TMEM170B: variants seen among roughly 807,000 people sequenced by gnomAD.
TMEM170B encodes the protein transmembrane protein 170B.
In TMEM170B, 6 loss-of-function variants were observed where a neutral mutation model predicts 13.0. The ratio of observed to expected loss-of-function variants is 0.46; its 90% confidence interval spans 0.25 to 0.91. The LOEUF (loss-of-function observed/expected upper bound fraction) is 0.91. Ranked by LOEUF, TMEM170B falls within the 40% of genes least tolerant of loss-of-function variation. The pLI is 0.17. For missense variants in TMEM170B, 138 were observed against 165.2 expected, an observed-to-expected ratio of 0.84 and a Z score of 0.90; for synonymous variants, 61 against 64.9, an observed-to-expected ratio of 0.94 and a Z score of 0.29.
intron 1 of TMEM170B, among the ~76,000 whole-genome samples, chr6:11,546,156 A>G (rs901033439): frequency 6.6e-6 from 1 of 152,110 alleles, no homozygotes; most frequent in Non-Finnish European, 1.5e-5. Context: ...CCATGGGACA[A>G]AGTGTGGAGG....
chr6:11,567,502 T>G (rs1020640369), intron 2 of TMEM170B, among the ~76,000 whole-genome samples: 2 of 152,204 alleles, frequency 1.3e-5, no homozygotes, highest in Admixed American at 6.5e-5. Context: ...ACATCCTTTG[T>G]CTTGAGAGGA....
intron 2 of TMEM170B, among the ~76,000 whole-genome samples, chr6:11,570,915 A>G (rs1486360112): frequency 2.0e-5 from 3 of 152,210 alleles, no homozygotes; most frequent in African/African-American, 7.2e-5. Flanking sequence ...ATTTTCATGT[A>G]TCATGAAATG....
intron 1 of TMEM170B, among the ~76,000 whole-genome samples, chr6:11,542,572 A>G (rs1339485017): frequency 1.3e-5 from 2 of 152,202 alleles, no homozygotes; most frequent in African/African-American, 2.4e-5. Flanking sequence ...AGGCGTCAGG[A>G]TAAAAATGCA....
intron 1 of TMEM170B, 82 bp downstream of exon 1, chr6:11,538,456 C>A: frequency 9.4e-7 from 1 of 1,061,658 alleles, no homozygotes; most frequent in Non-Finnish European, 1.3e-6. Flanking sequence ...GGACACGCTC[C>A]TCGCCGCCCC....
intron 1 of TMEM170B, among the ~76,000 whole-genome samples, chr6:11,550,290 C>T (rs73357837): frequency 1.3e-5 from 2 of 151,794 alleles, no homozygotes; most frequent in African/African-American, 2.4e-5. Context: ...CTCTTGCTTC[C>T]GCCCCCAAGT....
At chr6:11,560,127 T>G (rs1394288551) in intron 1 of TMEM170B, among the ~76,000 whole-genome samples, 1 of 151,828 alleles carries the variant, frequency 6.6e-6, no homozygotes, top group Non-Finnish European at 1.5e-5. Flanking sequence ...GAACCATTGA[T>G]CTAGCAGAGC....
At chr6:11,562,014 T>A (rs1026676740) in intron 1 of TMEM170B, among the ~76,000 whole-genome samples, 1 of 152,180 alleles carries the variant, frequency 6.6e-6, no homozygotes, top group Non-Finnish European at 1.5e-5. Flanking sequence ...ATAAATAAAT[T>A]ATTTCCTCTA....
intron 1 of TMEM170B, among the ~76,000 whole-genome samples, chr6:11,546,327 G>C (rs2113763718): frequency 6.6e-6 from 1 of 152,112 alleles, no homozygotes; most frequent in African/African-American, 2.4e-5. Flanking sequence ...CAATGTATTT[G>C]TGTTTTAAGC....
rs1481207991 is a variant in TMEM170B at position 11,577,019 on chromosome 6, T to C, written c.*1458T>C. The C allele has an allele frequency of 1.3e-5, 2 of 152,130 alleles. No individual in the cohort carries two copies. Among genetic ancestry groups the C allele is most frequent in the Non-Finnish European group, 2.9e-5 (2 of 67,972 alleles). 9.4% of individuals were successfully genotyped at this position (152,130 alleles called of 1,614,324 possible). A position where few individuals can be genotyped will look rare whatever the true frequency, so the allele number is the denominator to read the frequency against. On this transcript the variant is annotated 3_prime_UTR_variant, in exon 3 of 3. Coordinates refer to ENST00000379426, the MANE Select transcript of TMEM170B (RefSeq NM_001100829.3). The stretch of plus-strand genomic sequence containing the variant: ...TAATGTGCTAACTCAAAGGAGACAT[T>C]GCAGAGAATATGAAGTTAAGGATAA...
At chr6:11,570,702 C>T (rs1759788047) in intron 2 of TMEM170B, among the ~76,000 whole-genome samples, 1 of 152,130 alleles carries the variant, frequency 6.6e-6, no homozygotes, top group Non-Finnish European at 1.5e-5. Flanking sequence ...ATCCAAGTTA[C>T]TGCAGAAAAT....
At chr6:11,545,862 A>G (rs1254440045) in intron 1 of TMEM170B, among the ~76,000 whole-genome samples, 1 of 151,706 alleles carries the variant, frequency 6.6e-6, no homozygotes, top group Non-Finnish European at 1.5e-5. Context: ...AATACAAAAA[A>G]TTAGCCGGGC....
intron 1 of TMEM170B, among the ~76,000 whole-genome samples, chr6:11,552,666 T>G (rs906705413): frequency 6.6e-6 from 1 of 152,198 alleles, no homozygotes; most frequent in Non-Finnish European, 1.5e-5. Context: ...TACATATTTA[T>G]GAGAGGAGCT....
At chr6:11,546,001 G>A (rs1046693469) in intron 1 of TMEM170B, among the ~76,000 whole-genome samples, 2 of 128,664 alleles carry the variant, frequency 1.6e-5, no homozygotes, top group African/African-American at 5.7e-5. Flanking sequence ...AACAGAGCGA[G>A]ACTCCGTCTT....
chr6:11,545,280 C>CTCTCTCTGTGTGTG (rs1442789332), intron 1 of TMEM170B, among the ~76,000 whole-genome samples: 13 of 139,814 alleles, frequency 9.3e-5, no homozygotes, highest in African/African-American at 2.9e-4. Flanking sequence ...CTCTCTCTCT[C>CTCTCTCTGTGTGTG]TGTGTGTGTG....
rs1438968199 is a variant in TMEM170B, at chr6:11,538,125, T to C, written c.-153T>C. Among the ~76,000 whole-genome samples the C allele has an allele frequency of 6.6e-6, 1 of 150,538 alleles. No homozygotes were observed. The highest frequency in any genetic ancestry group is 2.4e-5 in the African/African-American group (1 of 41,106). ...GGCCCCCCCACGGAGGCCCTCCGGCTGCAGCAGCAGCAGCGCCCGGCCCGG... is the reference window on the plus strand; with the variant it reads ...GGCCCCCCCACGGAGGCCCTCCGGCCGCAGCAGCAGCAGCGCCCGGCCCGG... On this transcript the variant is annotated 5_prime_UTR_variant, in exon 1 of 3. Transcript: ENST00000379426.
At position 11,564,346 on chromosome 6, in the gene TMEM170B, C is replaced by A. The variant is rs117566072; in HGVS notation, c.98-1320C>A. Among the ~76,000 whole-genome samples, 121 of 152,350 alleles carry A rather than the reference C, an allele frequency of 7.9e-4. 1 individual carries two copies. In the East Asian group the frequency reaches 0.016, roughly 21 times the overall value. On this transcript the variant is annotated intron_variant, in intron 1 of 2. Coordinates refer to ENST00000379426, the MANE Select transcript of TMEM170B (RefSeq NM_001100829.3). ...ACAGCAGCTGCATCATTTTACATTC[C>A]TACCAACAGTAAATATCTATGTTTA... is the stretch of plus-strand genomic sequence containing the variant.
intron 1 of TMEM170B, among the ~76,000 whole-genome samples, chr6:11,554,235 T>A (rs574419546): frequency 6.6e-6 from 1 of 152,100 alleles, no homozygotes; most frequent in African/African-American, 2.4e-5. Context: ...TTATCCTTCA[T>A]GGAGAAGGTT....
rs1759304202 is a variant in TMEM170B, at chr6:11,538,076, G to A, written c.-202G>A. On this transcript the variant is annotated 5_prime_UTR_variant, in exon 1 of 3. Transcript: ENST00000379426. Reference sequence around the variant, plus strand: ...CTCAATGTCTCCCCGGCGGGGAGGGGGCTGCCTGGGAGACACGCTGAGCGG... The same window carrying A: ...CTCAATGTCTCCCCGGCGGGGAGGGAGCTGCCTGGGAGACACGCTGAGCGG... Among the ~76,000 whole-genome samples, 1 of 151,150 alleles carries A rather than the reference G, an allele frequency of 6.6e-6. No homozygotes were observed. The highest frequency in any genetic ancestry group is 1.5e-5 in the Non-Finnish European group (1 of 67,608).
chr6:11,564,397 A>G (rs1290152691), intron 1 of TMEM170B, among the ~76,000 whole-genome samples: 3 of 152,200 alleles, frequency 2.0e-5, no homozygotes, highest in Admixed American at 1.3e-4. Flanking sequence ...ATAGGTTTTG[A>G]TTCATCCATT....
Sources: gnomAD v4.1 joint callset for allele counts (sites outside exome capture counted in the v4.1 genomes callset) on GRCh38, gnomAD v4.1.1 for gene constraint, MANE v1.5 for transcripts, NCBI Gene and HGNC (gene_info 2026-07-23, HGNC 2026-07-21) for gene names.